Variants in ESRP1 observed in about 807,000 individuals in gnomAD.
The protein encoded by ESRP1 is RNA-binding motif protein 35A.
ESRP1 carries 33 observed loss-of-function variants against 81.7 expected under a neutral mutation model. The ratio of observed to expected loss-of-function variants is 0.40; its 90% confidence interval spans 0.31 to 0.54. ESRP1 has a LOEUF of 0.54. ESRP1 is among the 20% of genes least tolerant of loss of function. The pLI, the probability that ESRP1 is intolerant of heterozygous loss-of-function variation, is 0.41. For synonymous variants in ESRP1, 320 were observed against 303.3 expected, an observed-to-expected ratio of 1.06 and a Z score of -0.57; for missense variants, 672 against 833.1, an observed-to-expected ratio of 0.81 and a Z score of 2.38.
intron 4 of ESRP1, among the ~76,000 whole-genome samples, chr8:94,651,155 A>G (rs879341713): frequency 6.6e-6 from 1 of 151,786 alleles, no homozygotes; most frequent in Admixed American, 6.6e-5. Context: ...GAGGCCTTGC[A>G]TTTAAAAAAA....
intron 14 of ESRP1, among the ~76,000 whole-genome samples, chr8:94,696,409 A>G (rs1809606980): frequency 6.6e-6 from 1 of 152,198 alleles, no homozygotes; most frequent in Non-Finnish European, 1.5e-5. Context: ...AGAGAATTAG[A>G]CTGATATTAC....
chr8:94,694,008 G>A (rs931851934), intron 14 of ESRP1, among the ~76,000 whole-genome samples: 1 of 152,142 alleles, frequency 6.6e-6, no homozygotes, highest in African/African-American at 2.4e-5. Context: ...GGAAGACTTT[G>A]AAAGGGGTTA....
chr8:94,687,762 A>G (rs150421523), intron 13 of ESRP1, among the ~76,000 whole-genome samples: 1 of 152,246 alleles, frequency 6.6e-6, no homozygotes, highest in Non-Finnish European at 1.5e-5. Context: ...ACATTTTTAA[A>G]TTGGATTATT....
In ESRP1 at chr8:94,656,442, C is replaced by T. The variant is rs544207660; in HGVS notation, c.491-5830C>T. Among the ~76,000 whole-genome samples the T allele has an allele frequency of 9.9e-5, 15 of 151,654 alleles. No homozygotes were observed. The East Asian group carries it at 2.1e-3, about 22-fold the overall frequency. On this transcript the variant is annotated intron_variant, in intron 4 of 15. Transcript: ENST00000433389. ...TTCACCATGTTAGCCAGGATGGTCT[C>T]GATCTCCTGACCTTGTGATCCGCCC...
chr8:94,674,576 C>T, intron 12 of ESRP1, 70 bp downstream of exon 12: 1 of 1,406,692 alleles, frequency 7.1e-7, no homozygotes, highest in Non-Finnish European at 9.6e-7. Context: ...GCTTTCGTAA[C>T]TTTCTGTGCC....
intron 6 of ESRP1, among the ~76,000 whole-genome samples, chr8:94,663,932 C>A (rs762882203): frequency 6.6e-6 from 1 of 152,154 alleles, no homozygotes; most frequent in African/African-American, 2.4e-5. Context: ...TAATGGCAGA[C>A]TTCCTACCAT....
chr8:94,664,825 T>C lies in ESRP1; in HGVS notation c.755+18T>C. 1.9e-6 allele frequency: 3 copies of C among 1,612,316 alleles called. No individual in the cohort carries two copies. Among genetic ancestry groups the C allele is most frequent in the Non-Finnish European group, 2.5e-6 (3 of 1,178,646 alleles). On this transcript the variant is annotated intron_variant, in intron 7 of 15. Transcript: ENST00000433389. The stretch of plus-strand genomic sequence containing the variant: ...ATTGCCAAGTTGGTTTTCTTAAATA[T>C]CTATTTTACTTAACAATCCCAAAGG...
chr8:94,658,494 T>G (rs1363444823), intron 4 of ESRP1, among the ~76,000 whole-genome samples: 1 of 152,202 alleles, frequency 6.6e-6, no homozygotes, highest in East Asian at 1.9e-4. Flanking sequence ...GATTGTGGCC[T>G]AGAACAGTTT....
At chr8:94,670,214 A>G (rs1037238152) in intron 10 of ESRP1, among the ~76,000 whole-genome samples, 2 of 152,076 alleles carry the variant, frequency 1.3e-5, no homozygotes. Flanking sequence ...AGGTTCTTCC[A>G]CTGTCTTTTC....
At chr8:94,704,064 A>C (rs7829467) in intron 15 of ESRP1, among the ~76,000 whole-genome samples, 1 of 151,950 alleles carries the variant, frequency 6.6e-6, no homozygotes, top group African/African-American at 2.4e-5. Flanking sequence ...ATCCTAACCA[A>C]TATTTCCATG....
chr8:94,697,636 T>G (rs1809656699), intron 15 of ESRP1, among the ~76,000 whole-genome samples: 1 of 152,252 alleles, frequency 6.6e-6, no homozygotes, highest in South Asian at 2.1e-4. Flanking sequence ...CTGGCTATTG[T>G]GAATGGTGCT....
chr8:94,668,384 C>T, intron 10 of ESRP1, 134 bp downstream of exon 10: 1 of 843,574 alleles, frequency 1.2e-6, no homozygotes, highest in Non-Finnish European at 1.8e-6. Context: ...TGAAAATAGT[C>T]TTGATTCTAT....
chr8:94,647,351 T>C (rs528805800), intron 4 of ESRP1, among the ~76,000 whole-genome samples: 1 of 152,340 alleles, frequency 6.6e-6, no homozygotes, highest in Non-Finnish European at 1.5e-5. Context: ...AAATTCTCAC[T>C]GGTTTTTCTG....
At chr8:94,677,291 G>C (rs1808685468) in intron 12 of ESRP1, among the ~76,000 whole-genome samples, 1 of 152,148 alleles carries the variant, frequency 6.6e-6, no homozygotes, top group Non-Finnish European at 1.5e-5. Flanking sequence ...GCAAAATGTG[G>C]TGGTTCTAGG....
intron 4 of ESRP1, among the ~76,000 whole-genome samples, chr8:94,658,775 A>G (rs1818566839): frequency 6.6e-6 from 1 of 152,232 alleles, no homozygotes; most frequent in African/African-American, 2.4e-5. Context: ...AATAGGTCAC[A>G]GGTCAATAAC....
intron 12 of ESRP1, among the ~76,000 whole-genome samples, chr8:94,675,918 C>T (rs777427988): frequency 2.0e-5 from 3 of 152,130 alleles, no homozygotes; most frequent in Non-Finnish European, 4.4e-5. Flanking sequence ...TCACTTGAGG[C>T]CAGGGGCTCA....
Position 94,643,365 on chromosome 8 carries a change from T to A in ESRP1, c.324T>A (p.Thr108=). ...IGVGTSFCLC[T]DGQLHVRQIL... ...TAGGGACTTCCTTCTGTCTCTGTAC[T>A]GATGGGCAGCTTCATGTCAGGCAAA... The change falls in exon 3 of 16, where the codon ACT becomes ACA. Residue 108 remains threonine, a synonymous_variant. Transcript: ENST00000433389. 2 of 1,613,950 alleles carry A rather than the reference T, an allele frequency of 1.2e-6. No homozygotes were observed. Among genetic ancestry groups the A allele is most frequent in the Non-Finnish European group, 1.7e-6 (2 of 1,179,816 alleles).
intron 4 of ESRP1, among the ~76,000 whole-genome samples, chr8:94,655,377 A>G (rs1375909271): frequency 6.9e-6 from 1 of 144,454 alleles, no homozygotes; most frequent in Non-Finnish European, 1.5e-5. Context: ...GTGAGCCACC[A>G]CACTTGGCAT....
At chr8:94,678,557 C>G (rs1808734770) in intron 13 of ESRP1, among the ~76,000 whole-genome samples, 186 bp downstream of exon 13, 1 of 152,220 alleles carries the variant, frequency 6.6e-6, no homozygotes, top group South Asian at 2.1e-4. Context: ...TAGTTTTTAA[C>G]CATATACTGA....
Sources: allele counts gnomAD v4.1 joint callset (sites outside exome capture counted in the v4.1 genomes callset), GRCh38; gene constraint gnomAD v4.1.1; transcripts MANE v1.5; gene names NCBI Gene and HGNC (gene_info 2026-07-23, HGNC 2026-07-21).